The following HERC1 variants were observed in gnomAD, a reference collection of about 807,000 sequenced individuals.
The protein encoded by HERC1 is HECT and RLD domain containing E3 ubiquitin protein ligase family member 1.
A neutral mutation model predicts 554.3 loss-of-function variants in HERC1; 160 were observed. That is an observed-to-expected ratio of 0.29 (90% CI 0.25 to 0.33). The LOEUF is 0.33. Ranked by LOEUF, HERC1 falls within the 10% of genes least tolerant of loss-of-function variation. The probability of loss-of-function intolerance (pLI) is 1.00; values close to 1 mark genes in which losing one functional copy is unlikely to be tolerated. For missense variants in HERC1, 4,919 were observed against 5,918.5 expected (o/e 0.83, Z 5.54); for synonymous variants, 2,175 against 2,131.7 (o/e 1.02, Z -0.56).
At chr15:63,805,980 TG>T (rs2077126821) in intron 1 of HERC1, among the ~76,000 whole-genome samples, 1 of 151,854 alleles carries the variant, frequency 6.6e-6, no homozygotes, top group Non-Finnish European at 1.5e-5. Context: ...CCCAATTACT[TG>T]CAGGCCCTGC....
At chr15:63,689,515 A>G in intron 33 of HERC1, 74 bp downstream of exon 33, 1 of 767,724 alleles carries the variant, frequency 1.3e-6, no homozygotes, top group Non-Finnish European at 2.1e-6. Flanking sequence ...CCTCAGAGGA[A>G]CAGGCATTCA....
intron 38 of HERC1, among the ~76,000 whole-genome samples, chr15:63,673,592 C>T (rs1375506139): frequency 6.7e-6 from 1 of 149,532 alleles, no homozygotes; most frequent in Non-Finnish European, 1.5e-5. Context: ...TTTCTGCATT[C>T]ATATTCTCCC....
At chr15:63,635,033 AT>A (rs528511586) in intron 65 of HERC1, 145 bp from the exon 66 acceptor site, 4,745 of 472,160 alleles carry the variant, frequency 0.01, 1 homozygote, top group Middle Eastern at 0.013. Context: ...GCTTTTAAAA[AT>A]TTTTTTTTTT....
intron 74 of HERC1, among the ~76,000 whole-genome samples, chr15:63,619,055 G>T (rs1239446929): frequency 2.0e-5 from 3 of 151,886 alleles, no homozygotes; most frequent in Non-Finnish European, 4.4e-5. Flanking sequence ...GGTGAGAGAG[G>T]GCATCCCTCT....
intron 1 of HERC1, among the ~76,000 whole-genome samples, chr15:63,803,352 G>A (rs778941291): frequency 5.9e-5 from 9 of 152,134 alleles, no homozygotes; most frequent in Non-Finnish European, 1.3e-4. Context: ...AGACTAGTCT[G>A]CCAGGTGACC....
chr15:63,706,316 C>T (rs1371275847), intron 25 of HERC1, among the ~76,000 whole-genome samples: 6 of 151,608 alleles, frequency 4.0e-5, no homozygotes, highest in South Asian at 4.2e-4. Context: ...TCTTAATAGG[C>T]CAAGAGGGAA....
At chr15:63,721,265 TG>T (rs1225718686) in intron 19 of HERC1, among the ~76,000 whole-genome samples, 2 of 152,214 alleles carry the variant, frequency 1.3e-5, no homozygotes, top group Non-Finnish European at 2.9e-5. Context: ...GGCTCACACC[TG>T]TAATCCCAGC....
At chr15:63,690,246 G>A (rs1016175338) in intron 32 of HERC1, among the ~76,000 whole-genome samples, 2 of 151,038 alleles carry the variant, frequency 1.3e-5, no homozygotes, top group African/African-American at 4.9e-5. Flanking sequence ...CCTCTGATTA[G>A]GACACTCCCA....
chr15:63,636,804 A>C (rs565912981), intron 64 of HERC1, among the ~76,000 whole-genome samples: 1 of 152,332 alleles, frequency 6.6e-6, no homozygotes, highest in South Asian at 2.1e-4. Context: ...CAAGTGGGAA[A>C]ACTGAGTCAC....
chr15:63,716,569 G>A, intron 21 of HERC1, 96 bp from the exon 22 acceptor site: 1 of 979,612 alleles, frequency 1.0e-6, no homozygotes, highest in Non-Finnish European at 1.5e-6. Flanking sequence ...GGAAAATATT[G>A]TTGATATCAG....
intron 42 of HERC1, 91 bp from the exon 43 acceptor site, chr15:63,664,685 T>A: frequency 9.3e-7 from 1 of 1,072,242 alleles, no homozygotes; most frequent in South Asian, 1.7e-5. Flanking sequence ...TACTACTTTA[T>A]TCTCATTGAG....
At chr15:63,729,171 T>C in intron 16 of HERC1, 65 bp downstream of exon 16, 1 of 1,436,176 alleles carries the variant, frequency 7.0e-7, no homozygotes, top group Non-Finnish European at 9.4e-7. Flanking sequence ...TCTTAAGACT[T>C]TGGAAAGCCA....
intron 70 of HERC1, 33 bp from the exon 71 acceptor site, chr15:63,626,187 A>C (rs1425526922): frequency 6.2e-7 from 1 of 1,600,906 alleles, no homozygotes; most frequent in Non-Finnish European, 8.5e-7. Flanking sequence ...CTTATGAAGG[A>C]AACAGCATTG....
chr15:63,776,752 G>A (rs1464334967), intron 1 of HERC1, among the ~76,000 whole-genome samples: 1 of 152,154 alleles, frequency 6.6e-6, no homozygotes, highest in Admixed American at 6.5e-5. Context: ...GACTGCTTGA[G>A]CTCAGGAGTT....
chr15:63,718,164 T>C lies in HERC1; in HGVS notation c.3978+410A>G, dbSNP rs115152653. ...TTTCACTTCTCTAAGCTGAATATTT[T>C]TGATACTTTCTAGTCCTTCTATGAC... On this transcript the variant is annotated intron_variant, in intron 21 of 77. Coordinates refer to ENST00000443617, the MANE Select transcript of HERC1 (RefSeq NM_003922.4). The surrounding 1 kb of genome is among the most constrained non-coding windows in gnomAD (Gnocchi z 4.2). Among the ~76,000 whole-genome samples, 714 of 151,698 alleles carry C rather than the reference T, an allele frequency of 4.7e-3. 10 individuals carry two copies. Among genetic ancestry groups the C allele is most frequent in the African/African-American group, 0.017 (686 of 41,364 alleles).
chr15:63,617,320 T>C (rs2067864698), intron 74 of HERC1, among the ~76,000 whole-genome samples: 1 of 152,212 alleles, frequency 6.6e-6, no homozygotes, highest in Non-Finnish European at 1.5e-5. Flanking sequence ...TTCATTCATG[T>C]CCCTACATGA....
chr15:63,827,333 G>T (rs1027276835), intron 1 of HERC1, among the ~76,000 whole-genome samples: 5 of 151,870 alleles, frequency 3.3e-5, no homozygotes, highest in African/African-American at 7.3e-5. Flanking sequence ...GATGAAGGAG[G>T]ATCGCTTAAG....
chr15:63,821,726 C>CAAAAAAAAAAAAAAAAAAAAAAA (rs35074987), intron 1 of HERC1, among the ~76,000 whole-genome samples: 4 of 62,478 alleles, frequency 6.4e-5, no homozygotes, highest in African/African-American at 2.8e-4. Flanking sequence ...TACCCTGTCT[C>CAAAAAAAAAAAAAAAAAAAAAAA]AAAAAAAAAA....
chr15:63,756,245 A>G lies in HERC1; in HGVS notation c.1533+192T>C, dbSNP rs1324761302. On this transcript the variant is annotated intron_variant, in intron 5 of 77. Transcript: ENST00000443617. This position sits in a 1 kb window ranked among gnomAD's most constrained non-coding sequence, Gnocchi z 5.0. The stretch of plus-strand genomic sequence containing the variant: ...TAATAACTACCTTACAAGAATAATT[A>G]TAAGAATATAAGAATTAAAATTCAA... Among the ~76,000 whole-genome samples, 5 of 133,918 alleles carry G rather than the reference A, an allele frequency of 3.7e-5. No individual in the cohort carries two copies. The highest frequency in any genetic ancestry group is 8.4e-5 in the Non-Finnish European group (5 of 59,594). The allele number at this position is 133,918 out of a possible 152,430, so 87.9% of individuals were successfully genotyped here. A position where few individuals can be genotyped will look rare whatever the true frequency, so the allele number is the denominator to read the frequency against.
Sources: allele counts gnomAD v4.1 joint callset (sites outside exome capture counted in the v4.1 genomes callset), GRCh38; gene constraint gnomAD v4.1.1; non-coding constraint Gnocchi (gnomAD v3.1); transcripts MANE v1.5; gene names NCBI Gene and HGNC (gene_info 2026-07-23, HGNC 2026-07-21).